CNTNAP2: variants seen among roughly 807,000 people sequenced by gnomAD.
CNTNAP2 encodes the protein contactin associated protein 2, also known as contactin-associated protein-like 2.
Under a neutral mutation model 155.2 loss-of-function variants are expected in CNTNAP2, and 98 were observed. The ratio of observed to expected loss-of-function variants is 0.63; its 90% CI spans 0.54 to 0.75. The LOEUF (loss-of-function observed/expected upper bound fraction) is 0.75. CNTNAP2 is among the 30% of genes least tolerant of loss of function. The pLI is 0.00. For missense variants in CNTNAP2, 1,727 were observed against 1,688.1 expected (o/e 1.02, Z -0.40); for synonymous variants, 651 against 631.2 (o/e 1.03, Z -0.47).
rs770786457 is a variant in CNTNAP2, at chr7:147,485,972, T to C, written c.1708T>C (p.Ser570Pro). ...TCACTGTGAGCATGGTGGAAAGTGC[T>C]CGCAAACATGGGACAGCTTCAAATG... ...PNHCEHGGKC[S>P]QTWDSFKCTC... The change falls in exon 11 of 24, where the codon TCG becomes CCG. Residue 570 changes from serine to proline, a missense_variant. Physicochemically the swap from Ser to Pro is moderately conservative, Grantham distance 74. Transcript: ENST00000361727. The C allele has an allele frequency of 1.4e-5, 23 of 1,614,074 alleles. No individual in the cohort carries two copies. The highest frequency in any genetic ancestry group is 1.8e-5 in the Non-Finnish European group (21 of 1,179,980).
intron 16 of CNTNAP2, among the ~76,000 whole-genome samples, chr7:148,119,448 C>T (rs774827598): frequency 2.1e-4 from 32 of 151,904 alleles, no homozygotes; most frequent in Admixed American, 2.0e-4. Flanking sequence ...AGGAGAATGG[C>T]GTAAGTAAAC....
intron 12 of CNTNAP2, among the ~76,000 whole-genome samples, chr7:147,607,202 G>C (rs1434378568): frequency 4.6e-5 from 7 of 152,010 alleles, no homozygotes; most frequent in Admixed American, 4.6e-4. Context: ...GATTATTTGG[G>C]AATTTTCTTC....
intron 1 of CNTNAP2, among the ~76,000 whole-genome samples, chr7:146,338,877 AT>A (rs34908082): frequency 1.5e-4 from 23 of 149,106 alleles, no homozygotes; most frequent in African/African-American, 4.0e-4. Flanking sequence ...TACAGAAAAG[AT>A]TTTTTTTTTA....
chr7:147,085,854 AT>A (rs1019966631), intron 4 of CNTNAP2: 1 of 152,246 alleles, frequency 6.6e-6, no homozygotes, highest in Non-Finnish European at 1.5e-5. Flanking sequence ...AGCAATAAAC[AT>A]ATCATTTGCA....
At chr7:147,268,281 T>C (rs1804661759) in intron 8 of CNTNAP2, among the ~76,000 whole-genome samples, 1 of 152,156 alleles carries the variant, frequency 6.6e-6, no homozygotes, top group African/African-American at 2.4e-5. Flanking sequence ...TAAATATACA[T>C]ACAGATAATG....
At chr7:146,385,729 C>T (rs1213903584) in intron 1 of CNTNAP2, among the ~76,000 whole-genome samples, 2 of 152,136 alleles carry the variant, frequency 1.3e-5, no homozygotes, top group Non-Finnish European at 2.9e-5. Flanking sequence ...AGAGAAGCTG[C>T]TTTCTCATAA....
At chr7:148,083,680 A>G (rs1036153704) in intron 15 of CNTNAP2, among the ~76,000 whole-genome samples, 6 of 152,218 alleles carry the variant, frequency 3.9e-5, no homozygotes, top group Non-Finnish European at 8.8e-5. Context: ...ATTTCTTAGA[A>G]CATTCAAGCT....
intron 1 of CNTNAP2, among the ~76,000 whole-genome samples, chr7:146,557,296 T>C (rs1798211614): frequency 6.6e-6 from 1 of 152,028 alleles, no homozygotes; most frequent in Non-Finnish European, 1.5e-5. Flanking sequence ...GGGCAGTATG[T>C]ACTATATTGT....
intron 1 of CNTNAP2, among the ~76,000 whole-genome samples, chr7:146,192,780 C>T (rs574079234): frequency 6.6e-6 from 1 of 152,278 alleles, no homozygotes; most frequent in South Asian, 2.1e-4. Context: ...AAAGCCTTAA[C>T]ATATTTCAGC....
At chr7:146,347,501 T>C (rs1425487677) in intron 1 of CNTNAP2, among the ~76,000 whole-genome samples, 1 of 152,186 alleles carries the variant, frequency 6.6e-6, no homozygotes, top group Non-Finnish European at 1.5e-5. Flanking sequence ...AATTCTGAGA[T>C]TTAAAAAATG....
chr7:147,466,041 A>G (rs1798114189), intron 10 of CNTNAP2, among the ~76,000 whole-genome samples: 1 of 152,234 alleles, frequency 6.6e-6, no homozygotes, highest in Non-Finnish European at 1.5e-5. Context: ...CATATTGGAG[A>G]AAAAGCATAC....
chr7:147,611,550 G>A (rs1032055272), intron 12 of CNTNAP2, among the ~76,000 whole-genome samples: 1 of 152,154 alleles, frequency 6.6e-6, no homozygotes, highest in Non-Finnish European at 1.5e-5. Flanking sequence ...ACACATATGA[G>A]CTCCAAATTG....
chr7:147,493,800 T>C (rs1798649141), intron 11 of CNTNAP2, among the ~76,000 whole-genome samples: 1 of 152,186 alleles, frequency 6.6e-6, no homozygotes, highest in Non-Finnish European at 1.5e-5. Context: ...TGTCACAAAT[T>C]ATTTGTTTTA....
At chr7:146,387,559 G>T (rs1045611261) in intron 1 of CNTNAP2, among the ~76,000 whole-genome samples, 6 of 152,168 alleles carry the variant, frequency 3.9e-5, no homozygotes, top group African/African-American at 1.4e-4. Flanking sequence ...GTTTACTCTT[G>T]CTTTCTTATT....
At chr7:146,309,725 C>G (rs1800785533) in intron 1 of CNTNAP2, among the ~76,000 whole-genome samples, 1 of 151,746 alleles carries the variant, frequency 6.6e-6, no homozygotes, top group South Asian at 2.1e-4. Context: ...CGCTTGAACC[C>G]TGGAGGCGGA....
At chr7:146,253,413 T>C (rs1366366413) in intron 1 of CNTNAP2, among the ~76,000 whole-genome samples, 1 of 152,260 alleles carries the variant, frequency 6.6e-6, no homozygotes, top group African/African-American at 2.4e-5. Flanking sequence ...CTCCACACAC[T>C]GCAGCGATCA....
At chr7:147,644,619 C>T (rs117332922) in intron 13 of CNTNAP2, among the ~76,000 whole-genome samples, 1,539 of 152,120 alleles carry the variant, frequency 0.01, 10 homozygotes, top group Non-Finnish European at 0.014. Flanking sequence ...GAGACTCTGT[C>T]GCAAAACAAA....
intron 14 of CNTNAP2, among the ~76,000 whole-genome samples, chr7:147,935,064 A>G (rs964526217): frequency 6.6e-6 from 1 of 151,958 alleles, no homozygotes. Context: ...TAGAAATTAC[A>G]TTGAAAAGTA....
At chr7:147,384,174 C>G (rs1796590180) in intron 9 of CNTNAP2, among the ~76,000 whole-genome samples, 1 of 152,090 alleles carries the variant, frequency 6.6e-6, no homozygotes, top group Non-Finnish European at 1.5e-5. Context: ...GGATAGACAT[C>G]TTAAGTATTC....
Sources: allele counts gnomAD v4.1 joint callset (sites outside exome capture counted in the v4.1 genomes callset), GRCh38; gene constraint gnomAD v4.1.1; transcripts MANE v1.5; gene names NCBI Gene and HGNC (gene_info 2026-07-23, HGNC 2026-07-21).